AGFG1: variants seen among roughly 807,000 people sequenced by gnomAD.
AGFG1 encodes ArfGAP with FG repeats 1.
AGFG1 carries 10 observed loss-of-function variants against 60.6 expected under a neutral mutation model. The observed-to-expected ratio is 0.16, with a 90% CI of 0.10 to 0.28. The LOEUF (loss-of-function observed/expected upper bound fraction) is 0.28. Ranked by LOEUF, AGFG1 falls within the 10% of genes least tolerant of loss-of-function variation. The pLI is 1.00. For missense variants in AGFG1, 537 were observed against 676.5 expected (o/e 0.79, Z 2.29); for synonymous variants, 247 against 242.9 (o/e 1.02, Z -0.16).
chr2:227,500,372 G>T (rs1428339922), intron 2 of AGFG1, among the ~76,000 whole-genome samples: 1 of 152,186 alleles, frequency 6.6e-6, no homozygotes, highest in African/African-American at 2.4e-5. Context: ...CCTGCTTTGT[G>T]CCATCTAATG....
intron 3 of AGFG1, among the ~76,000 whole-genome samples, chr2:227,522,458 A>G (rs1415183685): frequency 6.6e-6 from 1 of 152,140 alleles, no homozygotes; most frequent in African/African-American, 2.4e-5. Context: ...GTTGTTTGTG[A>G]TTATTATGTA....
chr2:227,473,894 C>A (rs541273795), intron 1 of AGFG1, among the ~76,000 whole-genome samples: 1 of 152,218 alleles, frequency 6.6e-6, no homozygotes, highest in African/African-American at 2.4e-5. Flanking sequence ...TTGTGTAAGG[C>A]CCTGGGGTGT....
chr2:227,509,618 A>G (rs1691436879), intron 2 of AGFG1, among the ~76,000 whole-genome samples: 2 of 151,748 alleles, frequency 1.3e-5, no homozygotes, highest in Admixed American at 1.3e-4. Context: ...TATTTTTCTC[A>G]AGAGAATGAT....
intron 11 of AGFG1, among the ~76,000 whole-genome samples, chr2:227,552,580 A>G (rs1559203646): frequency 6.6e-6 from 1 of 151,954 alleles, no homozygotes; most frequent in African/African-American, 2.4e-5. Flanking sequence ...AGACAAGAAG[A>G]TTAACTCGAC....
Position 227,524,799 on chromosome 2 carries a change from A to G in AGFG1, c.578A>G (p.Glu193Gly). 6.2e-7 allele frequency: 1 copy of G among 1,614,178 alleles called. No homozygotes were observed. Among genetic ancestry groups the G allele is most frequent in the Non-Finnish European group, 8.5e-7 (1 of 1,180,002 alleles). The change falls in exon 5 of 13, where the codon GAG (glutamate) becomes GGG (glycine). Residue 193 changes from glutamate (E) to glycine (G), a missense_variant. Physicochemically the swap from Glu to Gly is moderately conservative, Grantham distance 98. This residue lies in a region of AGFG1 where 102 missense variants were observed against 82.9 expected (regional missense o/e 1.23). Transcript: ENST00000310078. ...GGTCGTTCTCAAGGGCAGCAGCAGG[A>G]GAAGAAGCAATTTGACCTTTTAAGT... ...VVGRSQGQQQ[E>G]KKQFDLLSDL...
At chr2:227,519,652 A>G (rs1691769997) in intron 2 of AGFG1, among the ~76,000 whole-genome samples, 1 of 152,204 alleles carries the variant, frequency 6.6e-6, no homozygotes, top group African/African-American at 2.4e-5. Flanking sequence ...AGCAGGTTAC[A>G]TGACTTTGCT....
At position 227,556,648 on chromosome 2, in the gene AGFG1, A is replaced by G. The variant is rs193291784; in HGVS notation, c.*2153A>G. ...AGGCTTTCCATCTGAATAGTAAATT[A>G]AACAGTTGTTATCAAAATGATTTTA... On this transcript the variant is annotated 3_prime_UTR_variant, in exon 13 of 13. Coordinates refer to ENST00000310078, the MANE Select transcript of AGFG1 (RefSeq NM_004504.5). 6.5e-6 allele frequency: 1 copy of G among 152,800 alleles called. No individual in the cohort carries two copies. Among genetic ancestry groups the G allele is most frequent in the Admixed American group, 6.5e-5 (1 of 15,306 alleles). 9.5% of individuals were successfully genotyped at this position (152,800 alleles called of 1,614,324 possible). A position where few individuals can be genotyped will look rare whatever the true frequency, so the allele number is the denominator to read the frequency against.
chr2:227,531,001 CT>C (rs1692141032), intron 5 of AGFG1, 89 bp from the exon 6 acceptor site: 2 of 1,202,966 alleles, frequency 1.7e-6, no homozygotes, highest in African/African-American at 3.1e-5. Flanking sequence ...TACATAGAAA[CT>C]TTTCATATAA....
At position 227,533,658 on chromosome 2, in the gene AGFG1, A is replaced by C; in HGVS notation, c.924A>C (p.Ala308=). The change falls in exon 7 of 13, where the codon GCA becomes GCC. Residue 308 remains alanine, a synonymous_variant. Transcript: ENST00000310078. ...TFNTSQSHQT[A]SAVSKVSTNK... ...ATACTTCCCAGAGTCATCAAACAGCATCAGCTGTTAGTAAAGTTTCAACGA... is the reference window on the plus strand; with the variant it reads ...ATACTTCCCAGAGTCATCAAACAGCCTCAGCTGTTAGTAAAGTTTCAACGA... 1 of 1,613,508 alleles carries C rather than the reference A, an allele frequency of 6.2e-7. No individual in the cohort carries two copies. The highest frequency in any genetic ancestry group is 1.1e-5 in the South Asian group (1 of 91,066).
Position 227,523,771 on chromosome 2 carries a change from C to A in AGFG1, c.386C>A (p.Pro129Gln). Residue 129 changes from proline (P) to glutamine (Q), a missense_variant, in exon 4 of 13, where the codon CCG becomes CAG. By Grantham distance (76) the Pro-to-Gln change is moderately conservative. Coordinates refer to ENST00000310078, the MANE Select transcript of AGFG1 (RefSeq NM_004504.5). ...TTTTTTACATGTTTTAGGTATGTCC[C>A]GCCAGAACAAGCCAAAGTCGTGGCA... ...EKYEKKRWYVPPEQAKVVASV... is the reference protein window; with the variant it reads ...EKYEKKRWYVQPEQAKVVASV... 1 of 1,610,928 alleles carries A rather than the reference C, an allele frequency of 6.2e-7. No homozygotes were observed. Among genetic ancestry groups the A allele is most frequent in the South Asian group, 1.1e-5 (1 of 90,680 alleles).
rs377572858 is a variant in AGFG1, at chr2:227,552,853, T to C, written c.1537+736T>C. 3.2e-4 allele frequency among the ~76,000 whole-genome samples: 49 copies of C among 151,548 alleles called. 1 individual carries two copies. The East Asian group carries it at 9.4e-3, about 29-fold the overall frequency. On this transcript the variant is annotated intron_variant, in intron 11 of 12. Transcript: ENST00000310078. ...CCCGTCTCTACTAAAAATACAAAAT[T>C]AGCCAGGCGTGGTGGCACATGCCTG...
chr2:227,484,496 TG>T (rs1282400325), intron 1 of AGFG1, among the ~76,000 whole-genome samples: 1 of 152,106 alleles, frequency 6.6e-6, no homozygotes, highest in Non-Finnish European at 1.5e-5. Flanking sequence ...GTGTTATTGT[TG>T]GTAAACATAT....
Position 227,524,788 on chromosome 2 carries a change from G to A in AGFG1, c.567G>A (p.Gly189=). The A allele has an allele frequency of 1.2e-6, 2 of 1,614,150 alleles. No individual in the cohort carries two copies. The highest frequency in any genetic ancestry group is 1.3e-5 in the African/African-American group (1 of 75,044). Reference sequence around the variant, plus strand: ...CCCCAGTTGTAGGTCGTTCTCAAGGGCAGCAGCAGGAGAAGAAGCAATTTG... The same window carrying A: ...CCCCAGTTGTAGGTCGTTCTCAAGGACAGCAGCAGGAGAAGAAGCAATTTG... ...SQSPVVGRSQ[G]QQQEKKQFDL... The change falls in exon 5 of 13, where the codon GGG becomes GGA. Residue 189 remains glycine, a synonymous_variant. Coordinates refer to ENST00000310078, the MANE Select transcript of AGFG1 (RefSeq NM_004504.5).
intron 2 of AGFG1, among the ~76,000 whole-genome samples, chr2:227,501,267 G>T (rs574123790): frequency 1.3e-5 from 2 of 152,278 alleles, no homozygotes; most frequent in Non-Finnish European, 2.9e-5. Flanking sequence ...TTTTAGTAGA[G>T]ATGGGGTTTT....
intron 10 of AGFG1, among the ~76,000 whole-genome samples, chr2:227,539,744 CA>C (rs1276046313): frequency 8.5e-3 from 504 of 59,252 alleles, no homozygotes; most frequent in African/African-American, 0.032. Context: ...GACTCTAGCT[CA>C]CAAAAAAAAA....
chr2:227,475,104 C>T (rs1041183452), intron 1 of AGFG1, among the ~76,000 whole-genome samples: 3 of 152,132 alleles, frequency 2.0e-5, no homozygotes, highest in Non-Finnish European at 4.4e-5. Context: ...AAAAATCTGT[C>T]ACTTTGGATT....
chr2:227,495,482 G>C (rs896298149), intron 2 of AGFG1, among the ~76,000 whole-genome samples: 11 of 150,664 alleles, frequency 7.3e-5, no homozygotes, highest in African/African-American at 2.7e-4. Flanking sequence ...GGAGTTCAAG[G>C]CTGCAGTAAG....
At chr2:227,509,885 GA>G (rs1444964670) in intron 2 of AGFG1, among the ~76,000 whole-genome samples, 3 of 152,124 alleles carry the variant, frequency 2.0e-5, no homozygotes, top group African/African-American at 7.2e-5. Flanking sequence ...AGCAATGGAA[GA>G]AGTCACAAAG....
At chr2:227,483,489 T>C (rs1170542082) in intron 1 of AGFG1, among the ~76,000 whole-genome samples, 1 of 152,146 alleles carries the variant, frequency 6.6e-6, no homozygotes, top group African/African-American at 2.4e-5. Flanking sequence ...CTTTTAGCCC[T>C]TGTTTTTACT....
Sources: allele counts gnomAD v4.1 joint callset (sites outside exome capture counted in the v4.1 genomes callset), GRCh38; gene constraint gnomAD v4.1.1; regional missense constraint gnomAD v4.1.1; transcripts MANE v1.5; gene names NCBI Gene and HGNC (gene_info 2026-07-23, HGNC 2026-07-21).